The following ARHGEF10L variants were observed in gnomAD, a reference collection of about 807,000 sequenced individuals.
ARHGEF10L encodes Rho guanine nucleotide exchange factor 10 like.
A neutral mutation model predicts 141.2 loss-of-function variants in ARHGEF10L; 69 were observed. That is an observed-to-expected ratio of 0.49 (90% confidence interval 0.40 to 0.60). The LOEUF (loss-of-function observed/expected upper bound fraction) is 0.60. ARHGEF10L is among the 20% of genes least tolerant of loss of function. The probability of loss-of-function intolerance (pLI) is 0.00; values close to 1 mark genes in which losing one functional copy is unlikely to be tolerated. For synonymous variants in ARHGEF10L, 711 were observed against 718.5 expected (o/e 0.99, Z 0.17); for missense variants, 1,482 against 1,734.3 (o/e 0.85, Z 2.58).
intron 1 of ARHGEF10L, among the ~76,000 whole-genome samples, chr1:17,555,787 G>C (rs1295653998): frequency 1.3e-5 from 2 of 152,166 alleles, no homozygotes; most frequent in African/African-American, 4.8e-5. Context: ...ATCTGTTCTT[G>C]CTTCTTTCTG....
rs75649705 is a variant in ARHGEF10L, at chr1:17,644,837, G to A, written c.2273-3717G>A. ...AGTGACCACCATGGCTGCTATTTCCGGAGTGCCTGGTGTCTGCTGGTCATG... is the reference window on the plus strand; with the variant it reads ...AGTGACCACCATGGCTGCTATTTCCAGAGTGCCTGGTGTCTGCTGGTCATG... On this transcript the variant is annotated intron_variant, in intron 21 of 28. Transcript: ENST00000361221. The surrounding 1 kb of genome is among the most constrained non-coding windows in gnomAD (Gnocchi z 4.5). Among the ~76,000 whole-genome samples the A allele has an allele frequency of 6.6e-6, 1 of 152,116 alleles. No homozygotes were observed. The highest frequency in any genetic ancestry group is 2.1e-4 in the South Asian group (1 of 4,822).
intron 6 of ARHGEF10L, among the ~76,000 whole-genome samples, chr1:17,605,286 C>G (rs1434004689): frequency 6.6e-6 from 1 of 152,150 alleles, no homozygotes; most frequent in Non-Finnish European, 1.5e-5. Context: ...AGGAAAATCC[C>G]CAGCTCACAG....
At chr1:17,634,250 C>T (rs964332250) in intron 16 of ARHGEF10L, 5 of 533,538 alleles carry the variant, frequency 9.4e-6, no homozygotes, top group South Asian at 4.6e-5. Flanking sequence ...GCTAGTGGCC[C>T]GGTTTTGGGG....
At chr1:17,601,109 G>A (rs1044505687) in intron 4 of ARHGEF10L, among the ~76,000 whole-genome samples, 1 of 151,846 alleles carries the variant, frequency 6.6e-6, no homozygotes, top group African/African-American at 2.4e-5. Flanking sequence ...AGAGTCTTGA[G>A]GAGTAATGCC....
At chr1:17,641,449 G>T (rs545960492) in intron 21 of ARHGEF10L, among the ~76,000 whole-genome samples, 1 of 151,780 alleles carries the variant, frequency 6.6e-6, no homozygotes, top group African/African-American at 2.4e-5. Context: ...GGCTAACATG[G>T]TGAAACCCTG....
intron 27 of ARHGEF10L, among the ~76,000 whole-genome samples, chr1:17,693,240 G>A (rs926770116): frequency 6.6e-6 from 1 of 152,146 alleles, no homozygotes; most frequent in Non-Finnish European, 1.5e-5. Flanking sequence ...TGTCAAATTG[G>A]ACAGCACGGT....
At chr1:17,597,828 C>A (rs541396408) in intron 4 of ARHGEF10L, among the ~76,000 whole-genome samples, 1 of 152,184 alleles carries the variant, frequency 6.6e-6, no homozygotes, top group Non-Finnish European at 1.5e-5. Flanking sequence ...CGAGGAGGAG[C>A]CTCCCCCTGC....
Position 17,639,994 on chromosome 1 carries a change from G to T in ARHGEF10L, c.2172-208G>T. 6.7e-7 allele frequency: 1 copy of T among 1,482,520 alleles called. No individual in the cohort carries two copies. The highest frequency in any genetic ancestry group is 8.9e-7 in the Non-Finnish European group (1 of 1,119,770). 91.8% of individuals were successfully genotyped at this position (1,482,520 alleles called of 1,614,324 possible). A position where few individuals can be genotyped will look rare whatever the true frequency, so the allele number is the denominator to read the frequency against. On this transcript the variant is annotated intron_variant, in intron 20 of 28. Transcript: ENST00000361221. The surrounding 1 kb of genome is among the most constrained non-coding windows in gnomAD (Gnocchi z 4.3). Reference sequence around the variant, plus strand: ...CCACCCTGGCCAGGTACCTCCCTCTGGGGGTCATTGTGGGCGGAGGGATTC... The same window carrying T: ...CCACCCTGGCCAGGTACCTCCCTCTTGGGGTCATTGTGGGCGGAGGGATTC...
intron 12 of ARHGEF10L, 84 bp from the exon 13 acceptor site, chr1:17,624,303 G>A: frequency 9.4e-6 from 10 of 1,058,776 alleles, no homozygotes; most frequent in South Asian, 5.0e-5. Flanking sequence ...GCCTTGAGGC[G>A]GCCTCCCTGG....
intron 8 of ARHGEF10L, among the ~76,000 whole-genome samples, chr1:17,614,082 C>T (rs909290998): frequency 1.3e-5 from 2 of 152,222 alleles, no homozygotes; most frequent in Non-Finnish European, 2.9e-5. Context: ...GTCAAGTACC[C>T]GGCTAGTGGC....
At chr1:17,691,299 G>T in intron 27 of ARHGEF10L, 1 of 293,792 alleles carries the variant, frequency 3.4e-6, no homozygotes, top group Non-Finnish European at 6.5e-6. Flanking sequence ...TCTTTTCCTT[G>T]AGGTGGAGGG....
chr1:17,622,599 A>G (rs1028890949), intron 11 of ARHGEF10L, among the ~76,000 whole-genome samples: 4 of 152,092 alleles, frequency 2.6e-5, no homozygotes, highest in Non-Finnish European at 5.9e-5. Flanking sequence ...AGAGATGAAT[A>G]TATCACCTGT....
chr1:17,663,557 G>GAAA (rs71014976), intron 25 of ARHGEF10L, among the ~76,000 whole-genome samples: 3 of 126,148 alleles, frequency 2.4e-5, no homozygotes, highest in Non-Finnish European at 3.4e-5. Flanking sequence ...CTGTCTCAAA[G>GAAA]AAAAAAAAAA....
In ARHGEF10L at chr1:17,689,696, T is replaced by A. The variant is rs76634350; in HGVS notation, c.3184+1949T>A. On this transcript the variant is annotated intron_variant, in intron 27 of 28. Coordinates refer to ENST00000361221, the MANE Select transcript of ARHGEF10L (RefSeq NM_018125.4). ...CAATCCATTTTAACTACGATAAAAA[T>A]GTCTCTGTATCACAAAACTATCTCC... 2.8e-3 allele frequency: 1,243 copies of A among 442,516 alleles called. 46 individuals are homozygous for A. In the East Asian group the frequency reaches 0.069, roughly 25 times the overall value. 27.4% of individuals were successfully genotyped at this position (442,516 alleles called of 1,614,324 possible). A position where few individuals can be genotyped will look rare whatever the true frequency, so the allele number is the denominator to read the frequency against.
chr1:17,676,952 G>C (rs1433086980), intron 26 of ARHGEF10L, among the ~76,000 whole-genome samples: 1 of 151,700 alleles, frequency 6.6e-6, no homozygotes. Context: ...GGCTCCCTTA[G>C]TCCTCACTCC....
rs1053224009 is a variant in ARHGEF10L at position 17,558,048 on chromosome 1, A to G, written c.-44+18098A>G. ...CGCCCATTCATTCATCTCTCCATTC[A>G]TTTACCCACCCACCCGTGCATCCAT... On this transcript the variant is annotated intron_variant, in intron 1 of 28. Transcript: ENST00000361221. The surrounding 1 kb of genome is among the most constrained non-coding windows in gnomAD (Gnocchi z 4.2). Among the ~76,000 whole-genome samples the G allele has an allele frequency of 3.3e-5, 5 of 151,446 alleles. No individual in the cohort carries two copies. Among genetic ancestry groups the G allele is most frequent in the African/African-American group, 1.2e-4 (5 of 41,132 alleles).
intron 4 of ARHGEF10L, among the ~76,000 whole-genome samples, chr1:17,596,303 G>A (rs543337395): frequency 1.3e-5 from 2 of 152,362 alleles, no homozygotes; most frequent in East Asian, 1.9e-4. Context: ...CCTGGGCTGC[G>A]TGTTCTTCCC....
chr1:17,697,167 C>A lies in ARHGEF10L; in HGVS notation c.3627C>A (p.Ser1209=). The A allele has an allele frequency of 3.1e-6, 5 of 1,612,036 alleles. No homozygotes were observed. Among genetic ancestry groups the A allele is most frequent in the Non-Finnish European group, 4.2e-6 (5 of 1,179,486 alleles). ...AALEHSEEDG[S]IYEMADDPDI... ...TGGAGCACAGCGAGGAGGACGGCTCCATTTACGAGATGGCCGACGACCCCG... is the reference window on the plus strand; with the variant it reads ...TGGAGCACAGCGAGGAGGACGGCTCAATTTACGAGATGGCCGACGACCCCG... The change falls in exon 29 of 29, where the codon TCC becomes TCA. Residue 1209 remains serine, a synonymous_variant. Coordinates refer to ENST00000361221, the MANE Select transcript of ARHGEF10L (RefSeq NM_018125.4). The surrounding 1 kb of genome is among the most constrained non-coding windows in gnomAD (Gnocchi z 4.8).
chr1:17,632,550 C>G (rs1040454670), intron 16 of ARHGEF10L, 84 bp downstream of exon 16: 4 of 1,562,090 alleles, frequency 2.6e-6, no homozygotes, highest in Admixed American at 1.7e-5. Flanking sequence ...GCCGGCCGCA[C>G]TACAGTGGGA....
Sources: allele counts gnomAD v4.1 joint callset (sites outside exome capture counted in the v4.1 genomes callset), GRCh38; gene constraint gnomAD v4.1.1; non-coding constraint Gnocchi (gnomAD v3.1); transcripts MANE v1.5; gene names NCBI Gene and HGNC (gene_info 2026-07-23, HGNC 2026-07-21).